The following GRM8 variants were observed in gnomAD, a reference collection of about 807,000 sequenced individuals.
GRM8 encodes metabotropic glutamate receptor 8.
GRM8 carries 47 observed loss-of-function variants against 87.2 expected under a neutral mutation model. The ratio of observed to expected loss-of-function variants is 0.54; its 90% CI spans 0.43 to 0.69. The LOEUF (loss-of-function observed/expected upper bound fraction) is 0.69, where lower values mean the gene tolerates loss of function less well. Among genes scored for constraint, GRM8 ranks in the 30% least tolerant of loss-of-function variants. The pLI is 0.00. For synonymous variants in GRM8, 396 were observed against 404.5 expected (o/e 0.98, Z 0.25); for missense variants, 1,019 against 1,139.2 (o/e 0.89, Z 1.52).
intron 7 of GRM8, among the ~76,000 whole-genome samples, chr7:126,630,821 A>C (rs1311970034): frequency 6.6e-6 from 1 of 152,164 alleles, no homozygotes. Flanking sequence ...CCTTTGATAA[A>C]ATTCAACATC....
chr7:126,913,547 A>G (rs1328751631), intron 3 of GRM8, among the ~76,000 whole-genome samples: 1 of 152,212 alleles, frequency 6.6e-6, no homozygotes, highest in Admixed American at 6.5e-5. Context: ...GATAATAGCA[A>G]TGAGCAAAAC....
intron 8 of GRM8, among the ~76,000 whole-genome samples, chr7:126,540,836 T>C (rs1234841476): frequency 6.6e-6 from 1 of 152,192 alleles, no homozygotes; most frequent in African/African-American, 2.4e-5. Context: ...AACTTAGATA[T>C]TGGTGATGGA....
At chr7:126,999,089 C>T (rs561990972) in intron 3 of GRM8, among the ~76,000 whole-genome samples, 1 of 151,632 alleles carries the variant, frequency 6.6e-6, no homozygotes, top group African/African-American at 2.4e-5. Context: ...AATAGATAAC[C>T]CAGAAACAAA....
At chr7:127,084,563 C>T (rs1265636172) in intron 3 of GRM8, 1 of 152,124 alleles carries the variant, frequency 6.6e-6, no homozygotes, top group Non-Finnish European at 1.5e-5. Flanking sequence ...ACATGGGGGA[C>T]ATGAGGTTGT....
At chr7:126,829,041 G>A (rs937896132) in intron 6 of GRM8, among the ~76,000 whole-genome samples, 80 of 152,266 alleles carry the variant, frequency 5.3e-4, no homozygotes, top group Middle Eastern at 6.8e-3. Flanking sequence ...CTGAGTTCTA[G>A]TATGATCGCA....
chr7:126,827,969 T>A (rs1441354402), intron 6 of GRM8, among the ~76,000 whole-genome samples: 7 of 152,228 alleles, frequency 4.6e-5, no homozygotes. Flanking sequence ...ATTGAGATAA[T>A]CATGTGGTTT....
intron 8 of GRM8, among the ~76,000 whole-genome samples, chr7:126,563,592 C>T (rs908477697): frequency 1.3e-5 from 2 of 152,172 alleles, no homozygotes; most frequent in African/African-American, 2.4e-5. Context: ...AGGGAGAAAA[C>T]TGAGAGGGAA....
chr7:126,882,331 T>A (rs979931125), intron 6 of GRM8, among the ~76,000 whole-genome samples: 2 of 152,124 alleles, frequency 1.3e-5, no homozygotes, highest in Non-Finnish European at 2.9e-5. Flanking sequence ...TGTCTCTAAT[T>A]CAACCTCCTT....
At chr7:126,854,427 T>C (rs1797493405) in intron 6 of GRM8, among the ~76,000 whole-genome samples, 1 of 152,188 alleles carries the variant, frequency 6.6e-6, no homozygotes, top group Non-Finnish European at 1.5e-5. Flanking sequence ...AGTTTTAGTA[T>C]GCATCAGAAT....
At chr7:126,809,737 T>C (rs1793114199) in intron 6 of GRM8, among the ~76,000 whole-genome samples, 2 of 152,298 alleles carry the variant, frequency 1.3e-5, no homozygotes, top group South Asian at 4.1e-4. Context: ...GCTCTGCCCT[T>C]TTCAGAGTGT....
At chr7:127,191,514 T>G (rs1795028074) in intron 2 of GRM8, among the ~76,000 whole-genome samples, 1 of 152,206 alleles carries the variant, frequency 6.6e-6, no homozygotes, top group Non-Finnish European at 1.5e-5. Context: ...ACCTTTTTCC[T>G]GTCTATCTGC....
intron 9 of GRM8, among the ~76,000 whole-genome samples, chr7:126,504,462 G>A (rs538432901): frequency 3.3e-5 from 5 of 152,024 alleles, no homozygotes; most frequent in Non-Finnish European, 1.5e-5. Context: ...TATGGTGCCA[G>A]TGTACTGATG....
chr7:127,004,609 A>G (rs1329076686), intron 3 of GRM8, among the ~76,000 whole-genome samples: 1 of 151,628 alleles, frequency 6.6e-6, no homozygotes, highest in Non-Finnish European at 1.5e-5. Context: ...GATCATCTGT[A>G]AGAAAGTGCT....
At chr7:126,786,034 T>C (rs1168222541) in intron 6 of GRM8, among the ~76,000 whole-genome samples, 1 of 152,128 alleles carries the variant, frequency 6.6e-6, no homozygotes, top group Non-Finnish European at 1.5e-5. Context: ...AGGAAAACCA[T>C]AAAATTTATA....
At chr7:126,810,749 G>C (rs1288895377) in intron 6 of GRM8, among the ~76,000 whole-genome samples, 1 of 152,136 alleles carries the variant, frequency 6.6e-6, no homozygotes, top group Non-Finnish European at 1.5e-5. Flanking sequence ...GGAACTTTAT[G>C]TACCTCACTC....
chr7:126,471,899 T>C (rs1305961951), intron 9 of GRM8, among the ~76,000 whole-genome samples: 1 of 152,172 alleles, frequency 6.6e-6, no homozygotes, highest in African/African-American at 2.4e-5. Context: ...CTTGAAGAGG[T>C]CCTTCACGTC....
chr7:126,441,133 G>C (rs939239087), intron 10 of GRM8, among the ~76,000 whole-genome samples: 1 of 151,998 alleles, frequency 6.6e-6, no homozygotes, highest in Non-Finnish European at 1.5e-5. Context: ...TGTCCTATGA[G>C]AATGAATACC....
intron 3 of GRM8, among the ~76,000 whole-genome samples, chr7:126,943,123 C>A (rs1006437036): frequency 1.3e-5 from 2 of 152,136 alleles, no homozygotes; most frequent in Non-Finnish European, 2.9e-5. Context: ...TTTATCAGAT[C>A]GGCAGGTGTA....
chr7:127,126,544 G>A (rs1446793468), intron 2 of GRM8, among the ~76,000 whole-genome samples: 2 of 151,778 alleles, frequency 1.3e-5, no homozygotes, highest in Non-Finnish European at 2.9e-5. Context: ...TCAGGTGATG[G>A]ATACACTAAA....
Sources: gnomAD v4.1 joint callset for allele counts (sites outside exome capture counted in the v4.1 genomes callset) on GRCh38, gnomAD v4.1.1 for gene constraint, MANE v1.5 for transcripts, NCBI Gene and HGNC (gene_info 2026-07-23, HGNC 2026-07-21) for gene names.